POFUT3: variants seen among roughly 807,000 people sequenced by gnomAD.
POFUT3 encodes the protein protein O-fucosyltransferase 3.
chr8:33,402,868 G>A, the POFUT3 span, among the ~76,000 whole-genome samples: 580 of 152,138 alleles, frequency 3.8e-3, 6 homozygotes, highest in African/African-American at 0.013. Flanking sequence ...AGATCAGCCT[G>A]GGCAACATAG....
chr8:33,309,205 C>T, the POFUT3 span, among the ~76,000 whole-genome samples: 18 of 119,094 alleles, frequency 1.5e-4, no homozygotes, highest in African/African-American at 3.5e-4. Flanking sequence ...TATATACACA[C>T]ACATATTTTT....
At chr8:33,387,256 G>A in the POFUT3 span, among the ~76,000 whole-genome samples, 1 of 152,154 alleles carries the variant, frequency 6.6e-6, no homozygotes, top group Admixed American at 6.5e-5. Flanking sequence ...TAAAATAAAT[G>A]ATTTTATGAG....
chr8:33,370,647 T>G, the POFUT3 span, among the ~76,000 whole-genome samples: 6 of 152,180 alleles, frequency 3.9e-5, no homozygotes, highest in Admixed American at 3.9e-4. Flanking sequence ...AGAACTAAGA[T>G]GGAATGAGAT....
chr8:33,396,376 C>T, the POFUT3 span, among the ~76,000 whole-genome samples: 1 of 152,144 alleles, frequency 6.6e-6, no homozygotes, highest in Non-Finnish European at 1.5e-5. Context: ...ATTTGTTTTC[C>T]TATCAGAATA....
chr8:33,468,949 G>A, the POFUT3 span, among the ~76,000 whole-genome samples: 1 of 152,170 alleles, frequency 6.6e-6, no homozygotes, highest in African/African-American at 2.4e-5. Flanking sequence ...GTAATACCAC[G>A]GAAAGTTTTT....
the POFUT3 span, chr8:33,453,101 G>A: frequency 2.1e-6 from 2 of 973,448 alleles, no homozygotes; most frequent in Non-Finnish European, 3.1e-6. Context: ...AGGAAATCAG[G>A]GGTGTCAAAG....
the POFUT3 span, among the ~76,000 whole-genome samples, chr8:33,406,494 T>C: frequency 4.6e-5 from 7 of 152,026 alleles, no homozygotes; most frequent in Admixed American, 4.6e-4. Flanking sequence ...TGGAGTGCAG[T>C]GGCAAGATCA....
the POFUT3 span, among the ~76,000 whole-genome samples, chr8:33,327,003 C>T: frequency 5.3e-5 from 8 of 152,100 alleles, no homozygotes; most frequent in East Asian, 3.9e-4. Flanking sequence ...GTCTTGAATG[C>T]CTGGCCTTAA....
At chr8:33,467,386 C>A in the POFUT3 span, among the ~76,000 whole-genome samples, 1 of 151,408 alleles carries the variant, frequency 6.6e-6, no homozygotes, top group Admixed American at 6.6e-5. Context: ...CATACTGAAG[C>A]ACTTAAATTA....
chr8:33,317,016 C>T, the POFUT3 span, among the ~76,000 whole-genome samples: 7 of 152,056 alleles, frequency 4.6e-5, no homozygotes, highest in Non-Finnish European at 7.4e-5. Context: ...CAACCCCCTT[C>T]TTAAGGGCCT....
chr8:33,380,245 T>C, the POFUT3 span, among the ~76,000 whole-genome samples: 21 of 103,998 alleles, frequency 2.0e-4, no homozygotes, highest in African/African-American at 4.3e-4. Context: ...TATATATATA[T>C]ACTATATATA....
At chr8:33,455,803 T>C in the POFUT3 span, 49 of 455,492 alleles carry the variant, frequency 1.1e-4, no homozygotes, top group Non-Finnish European at 2.2e-5. Flanking sequence ...TGGTGTTAGA[T>C]AAAGGCCGCT....
the POFUT3 span, among the ~76,000 whole-genome samples, chr8:33,310,544 C>T: frequency 2.0e-5 from 3 of 151,780 alleles, no homozygotes; most frequent in Non-Finnish European, 4.4e-5. Flanking sequence ...AACCCTGTCT[C>T]CACAAAAATA....
At chr8:33,436,292 C>T in the POFUT3 span, 2 of 1,347,856 alleles carry the variant, frequency 1.5e-6, no homozygotes, top group Non-Finnish European at 2.1e-6. Flanking sequence ...CACTGTGAAA[C>T]TCTGTGTTAT....
chr8:33,384,055 GA>G, the POFUT3 span, among the ~76,000 whole-genome samples: 2 of 152,120 alleles, frequency 1.3e-5, no homozygotes, highest in African/African-American at 4.8e-5. Context: ...ATCTACACAG[GA>G]TCAACATGGC....
At chr8:33,418,345 CA>C in the POFUT3 span, among the ~76,000 whole-genome samples, 2 of 149,874 alleles carry the variant, frequency 1.3e-5, no homozygotes, top group Non-Finnish European at 3.0e-5. Context: ...ATGCCAGTTA[CA>C]ACAGCTAAGA....
the POFUT3 span, among the ~76,000 whole-genome samples, chr8:33,447,255 C>T: frequency 3.3e-5 from 5 of 152,062 alleles, no homozygotes; most frequent in Non-Finnish European, 7.4e-5. Context: ...CGAGACCATC[C>T]TGGCTAACAC....
the POFUT3 span, among the ~76,000 whole-genome samples, chr8:33,447,572 G>C: frequency 6.6e-6 from 1 of 152,220 alleles, no homozygotes; most frequent in African/African-American, 2.4e-5. Context: ...ATTTCTCAAA[G>C]ACTCAAACCA....
chr8:33,371,227 G>T, the POFUT3 span: 2 of 152,192 alleles, frequency 1.3e-5, no homozygotes, highest in African/African-American at 2.4e-5. Flanking sequence ...GAAGAACCCA[G>T]TTATAGACAC....
Sources: allele counts gnomAD v4.1 joint callset (sites outside exome capture counted in the v4.1 genomes callset), GRCh38; gene constraint gnomAD v4.1.1; transcripts MANE v1.5; gene names NCBI Gene and HGNC (gene_info 2026-07-23, HGNC 2026-07-21).